Variants in TRPS1 observed in about 807,000 individuals in gnomAD.
The protein encoded by TRPS1 is zinc finger transcription factor Trps1.
Under a neutral mutation model 101.2 loss-of-function variants are expected in TRPS1, and 6 were observed. The observed-to-expected ratio is 0.06, with a 90% confidence interval of 0.03 to 0.12. The LOEUF (loss-of-function observed/expected upper bound fraction) is 0.12, where lower values mean the gene tolerates loss of function less well. TRPS1 is among the 10% of genes least tolerant of loss of function. The pLI, the probability that TRPS1 is intolerant of heterozygous loss-of-function variation, is 1.00. For synonymous variants in TRPS1, 578 were observed against 589.8 expected, an observed-to-expected ratio of 0.98 and a Z score of 0.29; for missense variants, 1,363 against 1,567.0, an observed-to-expected ratio of 0.87 and a Z score of 2.20.
At chr8:115,416,803 C>G (rs1187260666) in intron 6 of TRPS1, among the ~76,000 whole-genome samples, 1 of 152,002 alleles carries the variant, frequency 6.6e-6, no homozygotes, top group Non-Finnish European at 1.5e-5. Flanking sequence ...TGCAACATAG[C>G]TTAGTTATGC....
chr8:115,541,947 G>C (rs1178696467), intron 5 of TRPS1, among the ~76,000 whole-genome samples: 1 of 152,146 alleles, frequency 6.6e-6, no homozygotes, highest in East Asian at 1.9e-4. Context: ...AAGCCACACA[G>C]AGCCCTGCAA....
At position 115,410,920 on chromosome 8, in the gene TRPS1, T is replaced by C. The variant is rs764000858; in HGVS notation, c.*3103A>G. On this transcript the variant is annotated 3_prime_UTR_variant, in exon 7 of 7. Coordinates refer to ENST00000395715, the MANE Select transcript of TRPS1 (RefSeq NM_014112.5). ...CATTAAAAAAAGTTCCGTACCATAA[T>C]AGCTCGTTTAAAATCACAATTTAAG... 3 of 151,986 alleles carry C rather than the reference T, an allele frequency of 2.0e-5. No individual in the cohort carries two copies. Among genetic ancestry groups the C allele is most frequent in the East Asian group, 1.9e-4 (1 of 5,154 alleles). The allele number at this position is 151,986 out of a possible 1,614,324, so 9.4% of individuals were successfully genotyped here.
At chr8:115,614,206 A>G (rs1365991971) in intron 3 of TRPS1, among the ~76,000 whole-genome samples, 2 of 152,226 alleles carry the variant, frequency 1.3e-5, no homozygotes, top group African/African-American at 4.8e-5. Context: ...TTAGCAGAGC[A>G]GGCCATAGGA....
chr8:115,640,865 T>C (rs1187902762), intron 1 of TRPS1, among the ~76,000 whole-genome samples: 2 of 152,186 alleles, frequency 1.3e-5, no homozygotes, highest in Non-Finnish European at 2.9e-5. Flanking sequence ...CTCTCCCTTA[T>C]ATAACAGGTA....
intron 5 of TRPS1, among the ~76,000 whole-genome samples, chr8:115,466,547 G>C (rs1477081014): frequency 6.6e-6 from 1 of 152,126 alleles, no homozygotes; most frequent in Non-Finnish European, 1.5e-5. Flanking sequence ...ATGCCGAAGA[G>C]CTTATGTCGA....
At chr8:115,573,544 A>G (rs1563613919) in intron 5 of TRPS1, among the ~76,000 whole-genome samples, 1 of 152,056 alleles carries the variant, frequency 6.6e-6, no homozygotes, top group African/African-American at 2.4e-5. Flanking sequence ...TATTACTCAT[A>G]GAGTAAGAGA....
intron 3 of TRPS1, among the ~76,000 whole-genome samples, chr8:115,605,787 C>A (rs1563639291): frequency 6.6e-6 from 1 of 152,044 alleles, no homozygotes; most frequent in Non-Finnish European, 1.5e-5. Context: ...TAAAATAATT[C>A]CACCATAAAA....
intron 5 of TRPS1, among the ~76,000 whole-genome samples, chr8:115,501,973 G>A (rs1227443661): frequency 6.6e-6 from 1 of 151,752 alleles, no homozygotes; most frequent in South Asian, 2.1e-4. Flanking sequence ...TTGCCCTCCT[G>A]CTTGACATTT....
At chr8:115,646,654 A>G (rs965546007) in intron 1 of TRPS1, among the ~76,000 whole-genome samples, 1 of 152,188 alleles carries the variant, frequency 6.6e-6, no homozygotes, top group South Asian at 2.1e-4. Context: ...TATTACTTGA[A>G]TATTAAAGCC....
At chr8:115,602,077 C>G (rs1274707649) in intron 4 of TRPS1, among the ~76,000 whole-genome samples, 1 of 152,090 alleles carries the variant, frequency 6.6e-6, no homozygotes. Context: ...AGCAATGCCT[C>G]AGCTGCATCA....
intron 3 of TRPS1, among the ~76,000 whole-genome samples, chr8:115,607,078 C>T (rs1024738682): frequency 2.6e-5 from 4 of 152,052 alleles, no homozygotes; most frequent in Admixed American, 6.6e-5. Context: ...AACCACCAGG[C>T]ATCATCACTA....
intron 1 of TRPS1, chr8:115,668,340 GCTTT>G (rs1811980044): frequency 2.7e-5 from 3 of 110,304 alleles, no homozygotes; most frequent in Non-Finnish European, 4.8e-5. Context: ...CTCTCCCTCT[GCTTT>G]TTTTTTTTTT....
chr8:115,542,612 G>A (rs74456146), intron 5 of TRPS1, among the ~76,000 whole-genome samples: 2,341 of 152,082 alleles, frequency 0.015, 50 homozygotes, highest in African/African-American at 0.054. Context: ...GGATTTAGGC[G>A]CCGGCCACTC....
intron 5 of TRPS1, among the ~76,000 whole-genome samples, chr8:115,563,497 A>C (rs754301108): frequency 6.6e-6 from 1 of 152,174 alleles, no homozygotes; most frequent in Non-Finnish European, 1.5e-5. Flanking sequence ...ATGGTTAGCC[A>C]GAAGGTGGGG....
intron 5 of TRPS1, among the ~76,000 whole-genome samples, chr8:115,535,500 T>C (rs1403422907): frequency 6.8e-6 from 1 of 147,354 alleles, no homozygotes; most frequent in Non-Finnish European, 1.5e-5. Context: ...ATATATAGCA[T>C]ATATATAGCG....
intron 3 of TRPS1, among the ~76,000 whole-genome samples, chr8:115,606,469 T>A (rs1054023152): frequency 1.3e-5 from 2 of 152,132 alleles, no homozygotes; most frequent in African/African-American, 4.8e-5. Flanking sequence ...CAGCCTTTAA[T>A]CAAAGGATGT....
At chr8:115,463,213 G>A (rs1814231751) in intron 5 of TRPS1, among the ~76,000 whole-genome samples, 1 of 152,152 alleles carries the variant, frequency 6.6e-6, no homozygotes, top group Non-Finnish European at 1.5e-5. Flanking sequence ...CATGAATCAC[G>A]TCACAGAGCT....
In TRPS1 at chr8:115,587,053, T is replaced by C; in HGVS notation, c.2648A>G (p.Tyr883Cys). 2 of 1,614,196 alleles carry C rather than the reference T, an allele frequency of 1.2e-6. No individual in the cohort carries two copies. The highest frequency in any genetic ancestry group is 2.2e-5 in the East Asian group (1 of 44,876). Residue 883 changes from tyrosine (Y) to cysteine (C), a missense_variant, in exon 5 of 7, where the codon TAT (tyrosine) becomes TGT (cysteine). Around this residue, in one of 5 missense-constraint regions of TRPS1, gnomAD observed 1,020 missense variants for 1,073.0 expected, o/e 0.95. Coordinates refer to ENST00000395715, the MANE Select transcript of TRPS1 (RefSeq NM_014112.5). ...GGACTTGTTTTCTCCCGATGCAGGA[T>C]ACTGCTGGGGGAGGGCCCCAGACTT... ...GEKSGALPQQ[Y>C]PASGENKSKD... is the part of the protein sequence containing the mutation.
chr8:115,434,954 C>A (rs1408137021), intron 5 of TRPS1, among the ~76,000 whole-genome samples: 5 of 152,160 alleles, frequency 3.3e-5, no homozygotes, highest in African/African-American at 1.2e-4. Flanking sequence ...GTCTGCTTCC[C>A]ACAAAATCCA....
Sources: gnomAD v4.1 joint callset for allele counts (sites outside exome capture counted in the v4.1 genomes callset) on GRCh38, gnomAD v4.1.1 for gene constraint, gnomAD v4.1.1 regional missense constraint, MANE v1.5 for transcripts, NCBI Gene and HGNC (gene_info 2026-07-23, HGNC 2026-07-21) for gene names.